The following CNBD1 variants were observed in gnomAD, a reference collection of about 807,000 sequenced individuals.
CNBD1 encodes cyclic nucleotide binding domain containing 1.
A neutral mutation model predicts 54.4 loss-of-function variants in CNBD1; 71 were observed. The ratio of observed to expected loss-of-function variants is 1.30; its 90% CI spans 1.08 to 1.59. The LOEUF is 1.59. Ranked by LOEUF, CNBD1 falls within the 40% of genes most tolerant of loss-of-function variation. CNBD1 has a pLI of 0.00. For missense variants in CNBD1, 659 were observed against 518.0 expected (o/e 1.27, Z -2.64); for synonymous variants, 182 against 170.7 (o/e 1.07, Z -0.51).
At chr8:86,941,888 C>T (rs1807322816) in intron 4 of CNBD1, among the ~76,000 whole-genome samples, 1 of 152,178 alleles carries the variant, frequency 6.6e-6, no homozygotes, top group South Asian at 2.1e-4. Context: ...TTCCAGAACC[C>T]ACTTCCTCAC....
At chr8:87,395,219 G>T (rs1294836256) in intron 2 of CNBD1, among the ~76,000 whole-genome samples, 2 of 151,726 alleles carry the variant, frequency 1.3e-5, no homozygotes, top group Non-Finnish European at 2.9e-5. Context: ...TTTTAAAGTT[G>T]CAAAAACAAG....
chr8:87,162,659 G>A (rs1812881725), intron 4 of CNBD1, among the ~76,000 whole-genome samples: 1 of 152,058 alleles, frequency 6.6e-6, no homozygotes, highest in Non-Finnish European at 1.5e-5. Context: ...AGCTATGTAA[G>A]CTGGAAAGCC....
intron 6 of CNBD1, among the ~76,000 whole-genome samples, chr8:87,263,129 T>G (rs1808175392): frequency 6.6e-6 from 1 of 152,140 alleles, no homozygotes; most frequent in African/African-American, 2.4e-5. Context: ...TGTGATGGTA[T>G]TATATATAGT....
At chr8:87,390,880 G>A (rs1056123023) in intron 2 of CNBD1, among the ~76,000 whole-genome samples, 4 of 152,098 alleles carry the variant, frequency 2.6e-5, no homozygotes, top group African/African-American at 7.2e-5. Context: ...AGAAAATATG[G>A]CACATATACA....
At chr8:86,911,066 A>G (rs990874543) in intron 3 of CNBD1, among the ~76,000 whole-genome samples, 27 of 152,198 alleles carry the variant, frequency 1.8e-4, no homozygotes, top group African/African-American at 5.5e-4. Context: ...AGGATTCTCT[A>G]CCTCACCATG....
At chr8:87,064,416 G>A (rs1242195223) in intron 4 of CNBD1, among the ~76,000 whole-genome samples, 7 of 151,774 alleles carry the variant, frequency 4.6e-5, no homozygotes, top group South Asian at 2.1e-4. Flanking sequence ...AGTATAATGC[G>A]AATTGATACT....
At chr8:87,323,646 T>C in intron 8 of CNBD1, among the ~76,000 whole-genome samples, 2 of 133,898 alleles carry the variant, frequency 1.5e-5, no homozygotes, top group Non-Finnish European at 3.3e-5. Context: ...TTTTGTACAT[T>C]GATTTTGTAT....
chr8:87,385,307 A>G (rs1488788976), downstream of CNBD1, among the ~76,000 whole-genome samples: 1 of 152,136 alleles, frequency 6.6e-6, no homozygotes, highest in Non-Finnish European at 1.5e-5. Flanking sequence ...AGTGTGAGCC[A>G]AAACAGGGCA....
At chr8:87,255,696 A>G (rs1331992380) in intron 6 of CNBD1, among the ~76,000 whole-genome samples, 1 of 151,686 alleles carries the variant, frequency 6.6e-6, no homozygotes, top group Non-Finnish European at 1.5e-5. Flanking sequence ...CAGCTGACAC[A>G]TTAGAGCCAA....
intron 3 of CNBD1, among the ~76,000 whole-genome samples, chr8:86,930,690 G>T (rs373983776): frequency 1.6e-4 from 24 of 152,310 alleles, no homozygotes; most frequent in African/African-American, 5.3e-4. Flanking sequence ...TGGATATAGC[G>T]GAATTACTCC....
chr8:87,383,843 G>T (rs868748996), downstream of CNBD1, among the ~76,000 whole-genome samples: 1 of 152,106 alleles, frequency 6.6e-6, no homozygotes, highest in Admixed American at 6.6e-5. Flanking sequence ...TCCAAATCAT[G>T]TAGAGTTAAA....
At chr8:87,041,358 T>C (rs982737339) in intron 4 of CNBD1, among the ~76,000 whole-genome samples, 1 of 152,074 alleles carries the variant, frequency 6.6e-6, no homozygotes, top group Non-Finnish European at 1.5e-5. Context: ...ACTAAGGGAA[T>C]AGCCAGTGTA....
chr8:87,368,520 C>T (rs745858927), intron 10 of CNBD1, among the ~76,000 whole-genome samples: 3 of 151,738 alleles, frequency 2.0e-5, no homozygotes, highest in Admixed American at 6.6e-5. Flanking sequence ...CACCTGTAGT[C>T]CCAGCTACTT....
intron 6 of CNBD1, among the ~76,000 whole-genome samples, chr8:87,262,967 A>C (rs1331511302): frequency 6.6e-6 from 1 of 152,260 alleles, no homozygotes; most frequent in East Asian, 1.9e-4. Flanking sequence ...TGCTATGAAT[A>C]GAGTGACTAA....
chr8:87,270,393 C>T (rs1282948953), intron 6 of CNBD1, among the ~76,000 whole-genome samples: 2 of 151,902 alleles, frequency 1.3e-5, no homozygotes, highest in South Asian at 4.1e-4. Context: ...TAGAGAAATG[C>T]AGATCAAAAC....
intron 4 of CNBD1, among the ~76,000 whole-genome samples, chr8:87,059,124 C>A (rs1026101084): frequency 2.0e-5 from 3 of 152,188 alleles, no homozygotes; most frequent in African/African-American, 7.2e-5. Context: ...TAGCTCCCAA[C>A]AAGTTTCTCA....
intron 8 of CNBD1, among the ~76,000 whole-genome samples, chr8:87,319,202 C>T (rs753039397): frequency 2.0e-4 from 31 of 151,948 alleles, no homozygotes; most frequent in Non-Finnish European, 3.8e-4. Flanking sequence ...TAGTTACCTT[C>T]AACAGAGAAG....
At chr8:86,962,903 C>T (rs1011890673) in intron 4 of CNBD1, among the ~76,000 whole-genome samples, 1 of 152,166 alleles carries the variant, frequency 6.6e-6, no homozygotes, top group Admixed American at 6.5e-5. Context: ...ACATGGAGTG[C>T]TTTGACCCTG....
intron 4 of CNBD1, among the ~76,000 whole-genome samples, chr8:86,952,588 T>G (rs1807653273): frequency 6.6e-6 from 1 of 151,984 alleles, no homozygotes; most frequent in Non-Finnish European, 1.5e-5. Flanking sequence ...TATGTGTGTG[T>G]ACCTATATAT....
Sources: gnomAD v4.1 joint callset for allele counts (sites outside exome capture counted in the v4.1 genomes callset) on GRCh38, gnomAD v4.1.1 for gene constraint, MANE v1.5 for transcripts, NCBI Gene and HGNC (gene_info 2026-07-23, HGNC 2026-07-21) for gene names.